The following PCDHGA7 variants were observed in gnomAD, a reference collection of about 807,000 sequenced individuals.
PCDHGA7 encodes the protein protocadherin gamma-A7.
In PCDHGA7, 44 loss-of-function variants were observed where a neutral mutation model predicts 58.3. The observed-to-expected ratio is 0.75, with a 90% CI of 0.59 to 0.97. The LOEUF (loss-of-function observed/expected upper bound fraction) is 0.97. Among genes scored for constraint, PCDHGA7 ranks in the 50% least tolerant of loss-of-function variants. PCDHGA7 has a pLI of 0.00. For missense variants in PCDHGA7, 1,266 were observed against 1,188.7 expected (o/e 1.06, Z -0.96); for synonymous variants, 516 against 504.2 (o/e 1.02, Z -0.31).
chr5:141,412,301 T>C (rs925243467), intron 1 of PCDHGA7: 3 of 152,260 alleles, frequency 2.0e-5, no homozygotes, highest in Non-Finnish European at 2.9e-5. Context: ...TCTTTTCTCA[T>C]TACAATGCAA....
chr5:141,390,479 T>C lies in PCDHGA7; in HGVS notation c.2424+5156T>C, dbSNP rs143576019. On this transcript the variant is annotated intron_variant, in intron 1 of 3. Coordinates refer to ENST00000518325, the MANE Select transcript of PCDHGA7 (RefSeq NM_018920.4). Reference sequence around the variant, plus strand: ...GTAGGAGCAATTGTGTGGCCCAACATTTGTTTGTTTTTTAGCCAAGCTTAG... The same window carrying C: ...GTAGGAGCAATTGTGTGGCCCAACACTTGTTTGTTTTTTAGCCAAGCTTAG... 1.6e-3 allele frequency: 1,064 copies of C among 668,890 alleles called. 6 individuals are homozygous for C. The highest frequency in any genetic ancestry group is 0.016 in the African/African-American group (871 of 55,142). The allele number at this position is 668,890 out of a possible 1,614,324, so 41.4% of individuals were successfully genotyped here.
intron 1 of PCDHGA7, chr5:141,420,092 G>A: frequency 1.2e-6 from 2 of 1,614,020 alleles, no homozygotes; most frequent in Non-Finnish European, 1.7e-6. Flanking sequence ...CAACTACAGT[G>A]AGGGAACGTT....
At position 141,431,848 on chromosome 5, in the gene PCDHGA7, G is replaced by A. The variant is rs747401379; in HGVS notation, c.2424+46525G>A. 11 of 1,614,142 alleles carry A rather than the reference G, an allele frequency of 6.8e-6. No homozygotes were observed. The highest frequency in any genetic ancestry group is 2.2e-5 in the East Asian group (1 of 44,906). On this transcript the variant is annotated intron_variant, in intron 1 of 3. Coordinates refer to ENST00000518325, the MANE Select transcript of PCDHGA7 (RefSeq NM_018920.4). The surrounding 1 kb of genome is among the most constrained non-coding windows in gnomAD (Gnocchi z 4.8). ...CGGTTCCCGAAAACTCTCCCAGAGGGACATTAATTGCCCTTTTAAATGTAA... is the reference window on the plus strand; with the variant it reads ...CGGTTCCCGAAAACTCTCCCAGAGGAACATTAATTGCCCTTTTAAATGTAA...
rs149553852 is a variant in PCDHGA7 at position 141,415,009 on chromosome 5, C to T, written c.2424+29686C>T. On this transcript the variant is annotated intron_variant, in intron 1 of 3. Coordinates refer to ENST00000518325, the MANE Select transcript of PCDHGA7 (RefSeq NM_018920.4). ...CCAGAACGCCTGGCTGTCCTACCGT[C>T]TGCTCAAGGCCAGCGAGCCGGGACT... 1.9e-3 allele frequency: 3,040 copies of T among 1,613,658 alleles called. 49 individuals are homozygous for T. In the African/African-American group the frequency reaches 0.033, roughly 18 times the overall value.
chr5:141,489,794 T>TA lies in PCDHGA7; in HGVS notation c.2425-5009dup. The TA allele has an allele frequency of 1.2e-6, 2 of 1,614,120 alleles. No homozygotes were observed. The highest frequency in any genetic ancestry group is 2.2e-5 in the South Asian group (2 of 91,076). The stretch of plus-strand genomic sequence containing the variant: ...CACTTCTCTCTGAATGTGAAGACCC[T>TA]AAAAGATGGGAAGCCATTCCCAGAG... On this transcript the variant is annotated intron_variant, in intron 1 of 3. Transcript: ENST00000518325. This position sits in a 1 kb window ranked among gnomAD's most constrained non-coding sequence, Gnocchi z 4.5.
chr5:141,415,514 C>G, intron 1 of PCDHGA7: 2 of 1,614,178 alleles, frequency 1.2e-6, no homozygotes, highest in Non-Finnish European at 8.5e-7. Flanking sequence ...CCCAATTATG[C>G]GGACACGCTC....
At chr5:141,400,178 T>G in intron 1 of PCDHGA7, 1 of 1,614,074 alleles carries the variant, frequency 6.2e-7, no homozygotes, top group Non-Finnish European at 8.5e-7. Context: ...CAGGCTGAGC[T>G]GCAGTTTTAC....
chr5:141,421,924 G>A, intron 1 of PCDHGA7: 1 of 1,613,564 alleles, frequency 6.2e-7, no homozygotes, highest in South Asian at 1.1e-5. Context: ...TCGTGTGGTG[G>A]TCCTCGATGT....
chr5:141,473,860 A>G (rs184722742), intron 1 of PCDHGA7, among the ~76,000 whole-genome samples: 409 of 152,318 alleles, frequency 2.7e-3, no homozygotes, highest in Middle Eastern at 6.8e-3. Context: ...GAACCTCGCT[A>G]TTGTGGAGAA....
At chr5:141,469,438 G>T (rs2099201339) in intron 1 of PCDHGA7, among the ~76,000 whole-genome samples, 1 of 152,112 alleles carries the variant, frequency 6.6e-6, no homozygotes, top group African/African-American at 2.4e-5. Flanking sequence ...AGCTGGGCGT[G>T]GTGGTGCACA....
intron 1 of PCDHGA7, chr5:141,419,426 G>C: frequency 6.2e-7 from 1 of 1,613,312 alleles, no homozygotes; most frequent in Non-Finnish European, 8.5e-7. Flanking sequence ...CTTCGACCAC[G>C]AGCAGCTGCG....
chr5:141,388,842 A>G (rs1399936260), intron 1 of PCDHGA7: 1 of 1,614,014 alleles, frequency 6.2e-7, no homozygotes, highest in Non-Finnish European at 8.5e-7. Flanking sequence ...TTTGGAAGCA[A>G]GGGACGGTGG....
intron 1 of PCDHGA7, among the ~76,000 whole-genome samples, chr5:141,465,409 A>G (rs1037916815): frequency 3.3e-5 from 5 of 152,188 alleles, no homozygotes; most frequent in African/African-American, 4.8e-5. Flanking sequence ...AAGAAGCCAA[A>G]TCAGCACTGA....
In PCDHGA7 at chr5:141,384,213, A is replaced by G. The variant is rs1779846196; in HGVS notation, c.1314A>G (p.Ile438Met). The change falls in exon 1 of 4, where the codon ATA (isoleucine) becomes ATG (methionine). Residue 438 changes from isoleucine (I) to methionine (M), a missense_variant. Transcript: ENST00000518325. The part of the protein sequence containing the change: ...GTPPLSRETH[I>M]FMQVADTNDN... ...CTCCCTTGTCCAGGGAAACTCACAT[A>G]TTCATGCAGGTGGCAGACACCAACG... 1.2e-6 allele frequency: 2 copies of G among 1,613,872 alleles called. No individual in the cohort carries two copies. Among genetic ancestry groups the G allele is most frequent in the Non-Finnish European group, 1.7e-6 (2 of 1,179,876 alleles).
In PCDHGA7 at chr5:141,385,170, C is replaced by A. The variant is rs1561606866; in HGVS notation, c.2271C>A (p.Val757=). ...TCCTGCAGACCTATTCCCATGAGGT[C>A]TCCCTCACCGCGGACTCTCGGAAGA... is the stretch of plus-strand genomic sequence containing the variant. ...QAFLQTYSHE[V]SLTADSRKSH... Residue 757 remains valine, a synonymous_variant, in exon 1 of 4, where the codon GTC becomes GTA. Transcript: ENST00000518325. The A allele has an allele frequency of 4.3e-6, 7 of 1,614,212 alleles. No individual in the cohort carries two copies. Among genetic ancestry groups the A allele is most frequent in the Non-Finnish European group, 5.9e-6 (7 of 1,180,036 alleles).
At chr5:141,468,024 T>C (rs1386255481) in intron 1 of PCDHGA7, among the ~76,000 whole-genome samples, 1 of 152,046 alleles carries the variant, frequency 6.6e-6, no homozygotes, top group African/African-American at 2.4e-5. Flanking sequence ...TGAAGTAAAA[T>C]ACTTCATTTA....
chr5:141,498,672 C>T (rs1034911993), intron 2 of PCDHGA7, among the ~76,000 whole-genome samples: 3 of 152,218 alleles, frequency 2.0e-5, no homozygotes, highest in South Asian at 4.1e-4. Context: ...TGGCTCACGC[C>T]TGTAATCCCA....
At position 141,432,143 on chromosome 5, in the gene PCDHGA7, C is replaced by A; in HGVS notation, c.2424+46820C>A. The A allele has an allele frequency of 6.2e-7, 1 of 1,614,084 alleles. No homozygotes were observed. Among genetic ancestry groups the A allele is most frequent in the South Asian group, 1.1e-5 (1 of 91,068 alleles). On this transcript the variant is annotated intron_variant, in intron 1 of 3. Transcript: ENST00000518325. The surrounding 1 kb of genome is among the most constrained non-coding windows in gnomAD (Gnocchi z 6.0). ...TCAGGCCTCCTATTCCGCTTATATC[C>A]CAGAGAACAATCCCAGAGGAGTTTC... is the stretch of plus-strand genomic sequence containing the variant.
intron 1 of PCDHGA7, among the ~76,000 whole-genome samples, chr5:141,458,412 G>A (rs2098945236): frequency 6.6e-6 from 1 of 152,034 alleles, no homozygotes; most frequent in Non-Finnish European, 1.5e-5. Context: ...ACGGAGCGGG[G>A]GTTCCAAAGC....
Sources: allele counts gnomAD v4.1 joint callset (sites outside exome capture counted in the v4.1 genomes callset), GRCh38; gene constraint gnomAD v4.1.1; non-coding constraint Gnocchi (gnomAD v3.1); transcripts MANE v1.5; gene names NCBI Gene and HGNC (gene_info 2026-07-23, HGNC 2026-07-21).